PARG: variants seen among roughly 807,000 people sequenced by gnomAD.
PARG encodes the protein poly(ADP-ribose) glycohydrolase, also known as mitochondrial poly(ADP-ribose) glycohydrolase.
A neutral mutation model predicts 113.0 loss-of-function variants in PARG; 35 were observed. That is an observed-to-expected ratio of 0.31 (90% CI 0.24 to 0.41). The LOEUF is 0.41. Ranked by LOEUF, PARG falls within the 10% of genes least tolerant of loss-of-function variation. The pLI, the probability that PARG is intolerant of heterozygous loss-of-function variation, is 1.00. For synonymous variants in PARG, 330 were observed against 409.9 expected (o/e 0.81, Z 2.36); for missense variants, 797 against 1,169.4 (o/e 0.68, Z 4.64).
At chr10:49,821,215 C>T (rs1844059576) in intron 16 of PARG, among the ~76,000 whole-genome samples, 1 of 152,266 alleles carries the variant, frequency 6.6e-6, no homozygotes, top group Non-Finnish European at 1.5e-5. Context: ...TTACAAATCA[C>T]TGAGCCTGAA....
At chr10:49,837,204 G>C (rs1285656261) in intron 15 of PARG, among the ~76,000 whole-genome samples, 1 of 152,054 alleles carries the variant, frequency 6.6e-6, no homozygotes, top group Admixed American at 6.6e-5. Flanking sequence ...CTTTTCCAGA[G>C]GCCTGGAAAG....
At chr10:49,822,236 GTGTGTGTA>G (rs1844132789) in intron 16 of PARG, among the ~76,000 whole-genome samples, 1 of 152,072 alleles carries the variant, frequency 6.6e-6, no homozygotes, top group African/African-American at 2.4e-5. Flanking sequence ...GTGTGTGTGT[GTGTGTGTA>G]TGTGTGTGTA....
intron 16 of PARG, among the ~76,000 whole-genome samples, chr10:49,831,661 T>C (rs1452602094): frequency 1.3e-5 from 2 of 152,194 alleles, no homozygotes; most frequent in Non-Finnish European, 2.9e-5. Context: ...GCCTCCTGAC[T>C]GGTGTACACG....
chr10:49,846,521 A>C lies in PARG; in HGVS notation c.2354-2889T>G, dbSNP rs1333221812. 1.4e-3 allele frequency among the ~76,000 whole-genome samples: 219 copies of C among 152,042 alleles called. 3 individuals are homozygous for C. Among genetic ancestry groups the C allele is most frequent in the Non-Finnish European group, 2.5e-4 (17 of 68,022 alleles). On this transcript the variant is annotated intron_variant, in intron 13 of 17. Coordinates refer to ENST00000616448, the MANE Select transcript of PARG (RefSeq NM_003631.5). ...TAAAAGAACTGTAAACAAATAATGA[A>C]CTCTATTTAACAGGTTTACTTTTTG...
chr10:49,917,393 G>A (rs2132856015), intron 6 of PARG, among the ~76,000 whole-genome samples: 1 of 150,936 alleles, frequency 6.6e-6, no homozygotes, highest in South Asian at 2.1e-4. Flanking sequence ...GGAGGCTGAG[G>A]CAGGAGACTC....
chr10:49,887,777 T>C (rs1215101291), intron 7 of PARG, among the ~76,000 whole-genome samples: 2 of 152,184 alleles, frequency 1.3e-5, no homozygotes, highest in Non-Finnish European at 2.9e-5. Context: ...TCTCAACCTA[T>C]CTATATTGTT....
At chr10:49,889,278 T>C (rs1382513216) in intron 7 of PARG, among the ~76,000 whole-genome samples, 1 of 152,128 alleles carries the variant, frequency 6.6e-6, no homozygotes, top group Non-Finnish European at 1.5e-5. Context: ...TTTGGATATT[T>C]GGGGTATTAT....
intron 7 of PARG, among the ~76,000 whole-genome samples, chr10:49,911,666 C>G (rs1413766502): frequency 6.6e-6 from 1 of 152,198 alleles, no homozygotes; most frequent in African/African-American, 2.4e-5. Context: ...CTAATAAAAG[C>G]TTAGGTAATA....
At chr10:49,830,886 T>C (rs1844624165) in intron 16 of PARG, among the ~76,000 whole-genome samples, 2 of 152,288 alleles carry the variant, frequency 1.3e-5, no homozygotes, top group South Asian at 4.2e-4. Context: ...ATAATATATA[T>C]AATTGTACTA....
chr10:49,907,362 A>G (rs1343543945), intron 7 of PARG, among the ~76,000 whole-genome samples: 4 of 152,170 alleles, frequency 2.6e-5, no homozygotes, highest in Non-Finnish European at 5.9e-5. Flanking sequence ...ATTTTTCTCT[A>G]CTAGTACTAA....
At chr10:49,922,197 T>C in intron 6 of PARG, 139 bp downstream of exon 6, 16 of 819,506 alleles carry the variant, frequency 2.0e-5, no homozygotes, top group Middle Eastern at 3.7e-4. Flanking sequence ...AGAATGTCTC[T>C]AAGGGGCCTT....
intron 13 of PARG, among the ~76,000 whole-genome samples, chr10:49,847,266 TAC>T (rs1845556223): frequency 1.3e-5 from 2 of 152,336 alleles, no homozygotes; most frequent in South Asian, 4.1e-4. Flanking sequence ...ACAAGATGTT[TAC>T]AGTTTCAAAG....
chr10:49,893,814 C>T (rs1387111052), intron 7 of PARG, among the ~76,000 whole-genome samples: 1 of 152,012 alleles, frequency 6.6e-6, no homozygotes, highest in African/African-American at 2.4e-5. Flanking sequence ...CTGCCTCAGG[C>T]TCCCGAGCAG....
At chr10:49,831,235 AT>A (rs781842701) in intron 16 of PARG, among the ~76,000 whole-genome samples, 51 of 152,324 alleles carry the variant, frequency 3.3e-4, no homozygotes, top group Admixed American at 4.6e-4. Flanking sequence ...TTAAAAAAAA[AT>A]AATAAATGTG....
rs377175150 is a variant in PARG at position 49,901,947 on chromosome 10, A to G, written c.1737+13970T>C. Among the ~76,000 whole-genome samples, 206 of 152,346 alleles carry G rather than the reference A, an allele frequency of 1.4e-3. 6 individuals are homozygous for G. In the East Asian group the frequency reaches 0.036, roughly 27 times the overall value. On this transcript the variant is annotated intron_variant, in intron 7 of 17. Coordinates refer to ENST00000616448, the MANE Select transcript of PARG (RefSeq NM_003631.5). ...AAAATGTTCTATATCTGTGCTGTCC[A>G]GGATGGCAGCCGGCAGCCACATGTG...
chr10:49,865,483 A>ATACACCTGT, intron 10 of PARG, 102 bp from the exon 11 acceptor site: 1 of 448,594 alleles, frequency 2.2e-6, no homozygotes, highest in Non-Finnish European at 4.1e-6. Flanking sequence ...ACACACACAC[A>ATACACCTGT]CTCGGTAAAA....
At chr10:49,917,024 A>C (rs1837509365) in intron 6 of PARG, among the ~76,000 whole-genome samples, 1 of 152,172 alleles carries the variant, frequency 6.6e-6, no homozygotes, top group Non-Finnish European at 1.5e-5. Context: ...ATGAGCCAAC[A>C]AAATGTGTCT....
rs1844876852 is a variant in PARG at position 49,835,598 on chromosome 10, C to A, written c.2542-2690G>T. On this transcript the variant is annotated intron_variant, in intron 15 of 17. Coordinates refer to ENST00000616448, the MANE Select transcript of PARG (RefSeq NM_003631.5). Reference sequence around the variant, plus strand: ...CTAGAGTTAAAAACTAGAGACCAACCAGGACATGGTAATGATAAAGATGTA... The same window carrying A: ...CTAGAGTTAAAAACTAGAGACCAACAAGGACATGGTAATGATAAAGATGTA... 2.6e-5 allele frequency among the ~76,000 whole-genome samples: 4 copies of A among 151,690 alleles called. No individual in the cohort carries two copies. The South Asian group carries it at 8.4e-4, about 32-fold the overall frequency.
rs1456970974 is a variant in PARG at position 49,923,730 on chromosome 10, T to C, written c.1456-1061A>G. 3.5e-4 allele frequency among the ~76,000 whole-genome samples: 53 copies of C among 150,984 alleles called. 2 individuals carry two copies. The South Asian group carries it at 0.011, about 31-fold the overall frequency. Reference sequence around the variant, plus strand: ...CAGCTTCCTGTTAAGATCTTAGGAGTTGGGCAAGTCAGCTCCAGCATGTGT... The same window carrying C: ...CAGCTTCCTGTTAAGATCTTAGGAGCTGGGCAAGTCAGCTCCAGCATGTGT... On this transcript the variant is annotated intron_variant, in intron 4 of 17. Coordinates refer to ENST00000616448, the MANE Select transcript of PARG (RefSeq NM_003631.5).
Sources: gnomAD v4.1 joint callset for allele counts (sites outside exome capture counted in the v4.1 genomes callset) on GRCh38, gnomAD v4.1.1 for gene constraint, MANE v1.5 for transcripts, NCBI Gene and HGNC (gene_info 2026-07-23, HGNC 2026-07-21) for gene names.